Variants in EYS observed in about 807,000 individuals in gnomAD.
EYS encodes protein eyes shut homolog.
In EYS, 250 loss-of-function variants were observed where a neutral mutation model predicts 282.1. The ratio of observed to expected loss-of-function variants is 0.89; its 90% CI spans 0.80 to 0.98. EYS has a LOEUF of 0.98. EYS is among the 50% of genes least tolerant of loss of function. The pLI, the probability that EYS is intolerant of heterozygous loss-of-function variation, is 0.00. For missense variants in EYS, 4,016 were observed against 3,709.0 expected (o/e 1.08, Z -2.15); for synonymous variants, 1,355 against 1,282.9 (o/e 1.06, Z -1.20).
At chr6:65,527,740 T>C (rs1002979999) in intron 2 of EYS, among the ~76,000 whole-genome samples, 16 of 152,204 alleles carry the variant, frequency 1.1e-4, no homozygotes, top group Admixed American at 1.0e-3. Context: ...ATCAAATGCA[T>C]TGACACAAAA....
intron 22 of EYS, among the ~76,000 whole-genome samples, chr6:64,706,477 T>TAAA (rs1236944983): frequency 2.0e-5 from 3 of 151,898 alleles, no homozygotes; most frequent in Non-Finnish European, 4.4e-5. Context: ...TTAATTAAAC[T>TAAA]AAAAAACTCT....
chr6:63,983,584 C>T lies in EYS; in HGVS notation c.7055+799G>A, dbSNP rs11967429. Among the ~76,000 whole-genome samples the T allele has an allele frequency of 4.9e-3, 738 of 151,752 alleles. 4 individuals are homozygous for T. Among genetic ancestry groups the T allele is most frequent in the African/African-American group, 0.017 (707 of 41,460 alleles). ...ATTTTTATGGAGTAATTATTGACTG[C>T]TTGATAGCTTTCCCCATGAAAATAC... On this transcript the variant is annotated intron_variant, in intron 35 of 42. Transcript: ENST00000503581.
At chr6:64,642,221 G>T (rs1334152004) in intron 22 of EYS, among the ~76,000 whole-genome samples, 1 of 152,122 alleles carries the variant, frequency 6.6e-6, no homozygotes, top group Non-Finnish European at 1.5e-5. Flanking sequence ...GTTACTTAAA[G>T]TTAAAAGCAT....
At chr6:64,485,673 T>A (rs1187078657) in intron 26 of EYS, among the ~76,000 whole-genome samples, 1 of 151,478 alleles carries the variant, frequency 6.6e-6, no homozygotes, top group Non-Finnish European at 1.5e-5. Context: ...TTATAGAAGA[T>A]TAGTTCTGAG....
At chr6:65,587,812 A>C (rs889358197) in intron 2 of EYS, among the ~76,000 whole-genome samples, 1 of 152,122 alleles carries the variant, frequency 6.6e-6, no homozygotes, top group African/African-American at 2.4e-5. Context: ...TTAAAAGTTC[A>C]ATGTAAGTAT....
At chr6:65,291,757 A>C (rs190942786) in intron 12 of EYS, among the ~76,000 whole-genome samples, 3 of 151,720 alleles carry the variant, frequency 2.0e-5, no homozygotes, top group African/African-American at 7.2e-5. Context: ...GTTGCTTCAA[A>C]GATGAGGCTC....
chr6:64,546,403 A>G (rs1012722698), intron 26 of EYS, among the ~76,000 whole-genome samples: 2 of 152,240 alleles, frequency 1.3e-5, no homozygotes, highest in African/African-American at 2.4e-5. Flanking sequence ...TGTTAGACCT[A>G]AAACCATAAA....
chr6:65,594,584 T>C (rs1252210148), intron 2 of EYS, among the ~76,000 whole-genome samples: 2 of 152,220 alleles, frequency 1.3e-5, no homozygotes, highest in South Asian at 2.1e-4. Flanking sequence ...GATGAGTAGA[T>C]TGCAAAAATT....
chr6:64,045,054 G>A (rs1306145319), intron 33 of EYS, among the ~76,000 whole-genome samples: 4 of 152,040 alleles, frequency 2.6e-5, no homozygotes, highest in Non-Finnish European at 4.4e-5. Context: ...AAAGTAAGAT[G>A]GCCCTTACTC....
intron 35 of EYS, among the ~76,000 whole-genome samples, chr6:63,976,317 A>T (rs755980077): frequency 2.6e-5 from 4 of 152,096 alleles, no homozygotes; most frequent in Non-Finnish European, 5.9e-5. Flanking sequence ...TAGCCACAAC[A>T]TCACCAGAAA....
intron 16 of EYS, among the ~76,000 whole-genome samples, chr6:64,906,737 T>A (rs911409587): frequency 6.6e-6 from 1 of 152,188 alleles, no homozygotes; most frequent in Non-Finnish European, 1.5e-5. Flanking sequence ...CTTCTGTTCC[T>A]TTCACCTTGA....
At chr6:64,853,165 G>A (rs1252222304) in intron 19 of EYS, among the ~76,000 whole-genome samples, 2 of 151,968 alleles carry the variant, frequency 1.3e-5, no homozygotes, top group Non-Finnish European at 2.9e-5. Context: ...CATATTATAA[G>A]TTTTAAAACT....
At chr6:64,689,383 A>G (rs1770284627) in intron 22 of EYS, among the ~76,000 whole-genome samples, 2 of 152,132 alleles carry the variant, frequency 1.3e-5, no homozygotes, top group Admixed American at 6.5e-5. Context: ...TATCATGAAA[A>G]TGGCCATACT....
At position 65,071,881 on chromosome 6, in the gene EYS, C is replaced by A. The variant is rs140696595; in HGVS notation, c.2024-14154G>T. Among the ~76,000 whole-genome samples the A allele has an allele frequency of 2.0e-5, 3 of 151,882 alleles. No individual in the cohort carries two copies. In the East Asian group the frequency reaches 5.8e-4, roughly 29 times the overall value. On this transcript the variant is annotated intron_variant, in intron 12 of 42. Coordinates refer to ENST00000503581, the MANE Select transcript of EYS (RefSeq NM_001142800.2). ...TTTAGGTTATGAGGTCTTCACTCTA[C>A]TACATAGATTAATGCCATTATAAAA...
At chr6:64,865,720 T>C (rs1344348297) in intron 19 of EYS, among the ~76,000 whole-genome samples, 1 of 152,062 alleles carries the variant, frequency 6.6e-6, no homozygotes, top group Non-Finnish European at 1.5e-5. Context: ...AAAGGGAAGG[T>C]AAGAATGTAG....
At chr6:64,998,036 A>G (rs1771332530) in intron 13 of EYS, among the ~76,000 whole-genome samples, 1 of 152,184 alleles carries the variant, frequency 6.6e-6, no homozygotes. Flanking sequence ...TATGATAAAT[A>G]GGTTACTCTT....
chr6:63,745,653 CAGAA>C (rs1289415407), intron 41 of EYS, among the ~76,000 whole-genome samples: 4 of 152,186 alleles, frequency 2.6e-5, no homozygotes, highest in Admixed American at 2.0e-4. Flanking sequence ...GTACTTCATA[CAGAA>C]AGAAAGTGAT....
intron 36 of EYS, among the ~76,000 whole-genome samples, chr6:63,841,132 C>G (rs1176957643): frequency 6.6e-6 from 1 of 152,020 alleles, no homozygotes; most frequent in Non-Finnish European, 1.5e-5. Flanking sequence ...TTCCCAAGTG[C>G]TTAGGTTTGT....
chr6:64,909,376 A>C (rs969968654), intron 16 of EYS, among the ~76,000 whole-genome samples: 2 of 152,204 alleles, frequency 1.3e-5, no homozygotes, highest in Non-Finnish European at 2.9e-5. Context: ...AGCTAACACT[A>C]TTGAGGTGTC....
Sources: allele counts gnomAD v4.1 joint callset (sites outside exome capture counted in the v4.1 genomes callset), GRCh38; gene constraint gnomAD v4.1.1; transcripts MANE v1.5; gene names NCBI Gene and HGNC (gene_info 2026-07-23, HGNC 2026-07-21).